The following CSDE1 variants were observed in gnomAD, a reference collection of about 807,000 sequenced individuals.
The protein encoded by CSDE1 is cold shock domain containing E1, also known as cold shock domain-containing protein E1.
Under a neutral mutation model 89.3 loss-of-function variants are expected in CSDE1, and 17 were observed. That is an observed-to-expected ratio of 0.19 (90% CI 0.13 to 0.29). CSDE1 has a LOEUF of 0.29. CSDE1 is among the 10% of genes least tolerant of loss of function. CSDE1 has a pLI of 1.00. For synonymous variants in CSDE1, 322 were observed against 332.8 expected, an observed-to-expected ratio of 0.97 and a Z score of 0.35; for missense variants, 672 against 984.2, an observed-to-expected ratio of 0.68 and a Z score of 4.24.
At chr1:114,720,091 T>C (rs1659430018) in intron 17 of CSDE1, 1 of 248,854 alleles carries the variant, frequency 4.0e-6, no homozygotes, top group East Asian at 1.0e-4. Flanking sequence ...ATACAAAATG[T>C]TATTATTCTC....
At chr1:114,736,412 C>T (rs1660403341) in intron 6 of CSDE1, among the ~76,000 whole-genome samples, 1 of 152,168 alleles carries the variant, frequency 6.6e-6, no homozygotes, top group Non-Finnish European at 1.5e-5. Context: ...TTTCCCCCAA[C>T]ATGTCATGAT....
chr1:114,738,286 T>C (rs187065874), intron 3 of CSDE1, among the ~76,000 whole-genome samples: 34 of 152,312 alleles, frequency 2.2e-4, no homozygotes, highest in Admixed American at 2.0e-3. Flanking sequence ...GGGGATCAAG[T>C]ATAGCAATCT....
chr1:114,726,466 T>TC, intron 13 of CSDE1, 80 bp from the exon 14 acceptor site: 6 of 1,104,368 alleles, frequency 5.4e-6, no homozygotes, highest in Non-Finnish European at 6.3e-6. Flanking sequence ...GACCTATAAC[T>TC]CCCCCAGCGC....
Position 114,725,202 on chromosome 1 carries a change from A to C in CSDE1, c.1753+19T>G. 1 of 1,596,550 alleles carries C rather than the reference A, an allele frequency of 6.3e-7. No individual in the cohort carries two copies. Among genetic ancestry groups the C allele is most frequent in the South Asian group, 1.1e-5 (1 of 90,754 alleles). On this transcript the variant is annotated intron_variant, in intron 15 of 19. Transcript: ENST00000358528. ...CCCACTTAAAAGCACAGGCTGAATAAGAAGTCACAATTTATTACCTGAGTG... is the reference window on the plus strand; with the variant it reads ...CCCACTTAAAAGCACAGGCTGAATACGAAGTCACAATTTATTACCTGAGTG...
chr1:114,740,253 C>A (rs535634102), intron 2 of CSDE1, among the ~76,000 whole-genome samples: 1 of 152,152 alleles, frequency 6.6e-6, no homozygotes, highest in Non-Finnish European at 1.5e-5. Context: ...TAAGAGACAG[C>A]GACCACAAAC....
In CSDE1 at chr1:114,717,995, AATTT is replaced by A. The variant is rs1349356786; in HGVS notation, c.*170_*173del. ...TGCATTATTTAAAATGGTTTTCTTA[AATTT>A]ATTTATTTTTTTAAACATAACACGA... On this transcript the variant is annotated 3_prime_UTR_variant, in exon 20 of 20. Coordinates refer to ENST00000358528, the MANE Select transcript of CSDE1 (RefSeq NM_001007553.3). The A allele has an allele frequency of 1.8e-5, 11 of 617,886 alleles. No individual in the cohort carries two copies. Among genetic ancestry groups the A allele is most frequent in the East Asian group, 2.9e-5 (1 of 33,978 alleles). 38.3% of individuals were successfully genotyped at this position (617,886 alleles called of 1,614,324 possible). A position where few individuals can be genotyped will look rare whatever the true frequency, so the allele number is the denominator to read the frequency against.
chr1:114,757,119 A>G (rs1485317245), intron 1 of CSDE1, among the ~76,000 whole-genome samples: 1 of 152,056 alleles, frequency 6.6e-6, no homozygotes, highest in Non-Finnish European at 1.5e-5. Flanking sequence ...CCCAAGATAG[A>G]GGGGTGGGAG....
intron 1 of CSDE1, among the ~76,000 whole-genome samples, chr1:114,755,365 T>C (rs72691963): frequency 0.14 from 21,627 of 152,220 alleles, 2,122 homozygotes; most frequent in Non-Finnish European, 0.21. Context: ...TGTTAATAAA[T>C]TGGAGAAAAA....
intron 19 of CSDE1, 99 bp downstream of exon 19, chr1:114,718,514 C>T (rs1659329020): frequency 1.4e-6 from 2 of 1,472,462 alleles, no homozygotes; most frequent in African/African-American, 1.4e-5. Flanking sequence ...TGGAAGTCTC[C>T]CTGCTTCATT....
At chr1:114,731,576 G>GT (rs1660102933) in intron 10 of CSDE1, among the ~76,000 whole-genome samples, 1 of 151,808 alleles carries the variant, frequency 6.6e-6, no homozygotes, top group African/African-American at 2.4e-5. Flanking sequence ...GATCCCAAAC[G>GT]TAACTAAATG....
intron 3 of CSDE1, 117 bp downstream of exon 3, chr1:114,739,575 C>T (rs1254258159): frequency 2.4e-6 from 2 of 822,632 alleles, no homozygotes; most frequent in African/African-American, 3.4e-5. Flanking sequence ...AACAGTACAA[C>T]TAAAAGTCCA....
chr1:114,722,252 A>T (rs1463735127), intron 16 of CSDE1, among the ~76,000 whole-genome samples: 1 of 152,234 alleles, frequency 6.6e-6, no homozygotes, highest in African/African-American at 2.4e-5. Flanking sequence ...AGATCAAGTC[A>T]TGGGAAGAGT....
chr1:114,730,138 A>G, intron 12 of CSDE1, 120 bp downstream of exon 12: 2 of 1,142,848 alleles, frequency 1.8e-6, no homozygotes, highest in Non-Finnish European at 2.5e-6. Context: ...CACTGTTAAT[A>G]TGACAGAAAT....
In CSDE1 at chr1:114,740,042, T is replaced by A. The variant is rs1240475162; in HGVS notation, c.1-152A>T. The A allele has an allele frequency of 1.7e-5, 10 of 584,122 alleles. No individual in the cohort carries two copies. The Admixed American group carries it at 3.0e-4, about 17-fold the overall frequency. 36.2% of individuals were successfully genotyped at this position (584,122 alleles called of 1,614,324 possible). The stretch of plus-strand genomic sequence containing the variant: ...ATAGACTTTATTACTGCAGCATTAA[T>A]TTAGCTAATAAAACATTTCAGAGGA... On this transcript the variant is annotated intron_variant, in intron 2 of 19. Transcript: ENST00000358528.
At chr1:114,744,682 A>G (rs1327139012) in intron 2 of CSDE1, among the ~76,000 whole-genome samples, 1 of 152,222 alleles carries the variant, frequency 6.6e-6, no homozygotes, top group Admixed American at 6.5e-5. Flanking sequence ...GGAACTTTCT[A>G]GATTTGAAAT....
At chr1:114,745,364 T>A (rs755809871) in intron 2 of CSDE1, among the ~76,000 whole-genome samples, 5 of 152,246 alleles carry the variant, frequency 3.3e-5, no homozygotes, top group South Asian at 4.1e-4. Flanking sequence ...TTGTAACTTA[T>A]GTAATGCTAT....
chr1:114,723,247 TCTC>T (rs1318623275), intron 16 of CSDE1, among the ~76,000 whole-genome samples: 1 of 152,224 alleles, frequency 6.6e-6, no homozygotes, highest in Non-Finnish European at 1.5e-5. Context: ...TACAGAGTTC[TCTC>T]CTATTTCTAT....
At chr1:114,744,048 T>A (rs944743987) in intron 2 of CSDE1, among the ~76,000 whole-genome samples, 32 of 152,250 alleles carry the variant, frequency 2.1e-4, no homozygotes, top group African/African-American at 7.5e-4. Flanking sequence ...ACAAGCAAAA[T>A]GGAAGTTATC....
chr1:114,734,675 A>G, intron 6 of CSDE1, 152 bp from the exon 7 acceptor site: 1 of 606,984 alleles, frequency 1.6e-6, no homozygotes, highest in Non-Finnish European at 2.8e-6. Context: ...ACATTTGATT[A>G]TTTTCATATG....
Sources: allele counts gnomAD v4.1 joint callset (sites outside exome capture counted in the v4.1 genomes callset), GRCh38; gene constraint gnomAD v4.1.1; transcripts MANE v1.5; gene names NCBI Gene and HGNC (gene_info 2026-07-23, HGNC 2026-07-21).